OR10J1: variants seen among roughly 807,000 people sequenced by gnomAD.
The protein encoded by OR10J1 is olfactory receptor family 10 subfamily J member 1.
For synonymous variants in OR10J1, 202 were observed against 143.8 expected (o/e 1.40, Z -2.89); for missense variants, 474 against 376.6 (o/e 1.26, Z -2.14).
upstream of OR10J1, among the ~76,000 whole-genome samples, chr1:159,435,856 G>T (rs924443157): frequency 4.6e-5 from 7 of 152,170 alleles, no homozygotes; most frequent in Non-Finnish European, 7.4e-5. Flanking sequence ...TGTTTTGCCA[G>T]CTTTGTTTCT....
At chr1:159,437,522 A>G (rs977256044), upstream of OR10J1, among the ~76,000 whole-genome samples, 6 of 152,234 alleles carry the variant, frequency 3.9e-5, no homozygotes, top group African/African-American at 1.2e-4. Context: ...ATGCACATAT[A>G]CACACTCACA....
chr1:159,433,615 TG>T (rs1655651998), upstream of OR10J1, among the ~76,000 whole-genome samples: 1 of 152,200 alleles, frequency 6.6e-6, no homozygotes, highest in Non-Finnish European at 1.5e-5. Context: ...TAGATCAGGC[TG>T]AAGTTATGCT....
chr1:159,439,207 A>C (rs1655829183), upstream of OR10J1, among the ~76,000 whole-genome samples: 1 of 152,224 alleles, frequency 6.6e-6, no homozygotes, highest in Admixed American at 6.5e-5. Context: ...ATGCGCAAGG[A>C]GGATGATTCA....
the OR10J1 span, among the ~76,000 whole-genome samples, chr1:159,401,129 A>G: frequency 1.3e-5 from 2 of 151,828 alleles, no homozygotes; most frequent in Admixed American, 1.3e-4. Flanking sequence ...TTTTTCAGCT[A>G]TAAGTGCCTG....
chr1:159,440,224 G>A lies in OR10J1; in HGVS notation c.433G>A (p.Val145Ile). The part of the protein sequence containing the change: ...IMNKRLRIQL[V>I]LGACSIGLIV... ...GAACAAGAGGCTGCGTATCCAACTT[G>A]TCCTGGGGGCCTGCAGCATTGGGCT... The change falls in exon 1 of 1, where the codon GTC (valine) becomes ATC (isoleucine). Residue 145 changes from valine (V) to isoleucine (I), a missense_variant. Physicochemically the swap from Val to Ile is conservative, Grantham distance 29. Transcript: ENST00000423932. The A allele has an allele frequency of 6.2e-7, 1 of 1,614,140 alleles. No individual in the cohort carries two copies. Among genetic ancestry groups the A allele is most frequent in the East Asian group, 2.2e-5 (1 of 44,880 alleles).
chr1:159,437,233 T>A (rs1655762065), upstream of OR10J1, among the ~76,000 whole-genome samples: 1 of 152,114 alleles, frequency 6.6e-6, no homozygotes, highest in Admixed American at 6.5e-5. Context: ...CAGGAGAGAA[T>A]CTTTGGATCT....
chr1:159,412,283 A>T, the OR10J1 span, among the ~76,000 whole-genome samples: 1 of 151,756 alleles, frequency 6.6e-6, no homozygotes, highest in African/African-American at 2.4e-5. Flanking sequence ...TACAGATTCA[A>T]TGCCATCCCC....
chr1:159,399,672 A>G, the OR10J1 span, among the ~76,000 whole-genome samples: 1 of 152,086 alleles, frequency 6.6e-6, no homozygotes, highest in African/African-American at 2.4e-5. Flanking sequence ...CTGAAAATAG[A>G]AAATTTACTG....
the OR10J1 span, among the ~76,000 whole-genome samples, chr1:159,430,642 T>G: frequency 3.4e-4 from 22 of 65,344 alleles, no homozygotes; most frequent in African/African-American, 9.7e-4. Flanking sequence ...AAAATTATGG[T>G]GTGTGTGTGT....
the OR10J1 span, among the ~76,000 whole-genome samples, chr1:159,399,570 C>CAAAAAAAAAAA: frequency 1.4e-4 from 8 of 56,104 alleles, no homozygotes; most frequent in Admixed American, 2.2e-4. Flanking sequence ...GATTCTGTCT[C>CAAAAAAAAAAA]AAAAAAAAAA....
At chr1:159,416,290 C>T in the OR10J1 span, among the ~76,000 whole-genome samples, 3 of 151,950 alleles carry the variant, frequency 2.0e-5, no homozygotes, top group Non-Finnish European at 4.4e-5. Flanking sequence ...CAGGTTTTCC[C>T]CATTCAGTAC....
the OR10J1 span, among the ~76,000 whole-genome samples, chr1:159,423,382 A>T: frequency 6.6e-6 from 1 of 152,198 alleles, no homozygotes; most frequent in Non-Finnish European, 1.5e-5. Flanking sequence ...CTGATGATCC[A>T]TTGATCTATA....
At position 159,440,826 on chromosome 1, in the gene OR10J1, A is replaced by C. The variant is rs1393520988; in HGVS notation, c.*105A>C. 6.8e-6 allele frequency: 8 copies of C among 1,180,698 alleles called. No individual in the cohort carries two copies. Among genetic ancestry groups the C allele is most frequent in the Non-Finnish European group, 9.4e-6 (8 of 847,062 alleles). The allele number at this position is 1,180,698 out of a possible 1,614,324, so 73.1% of individuals were successfully genotyped here. On this transcript the variant is annotated 3_prime_UTR_variant, in exon 1 of 1. Coordinates refer to ENST00000423932, the MANE Select transcript of OR10J1 (RefSeq NM_012351.3). ...CTCCTAGAGACCTGCCCCTTAAATA[A>C]GAGGCAAAAGAGGAATAGCAGTTTC...
the OR10J1 span, among the ~76,000 whole-genome samples, chr1:159,407,885 G>A: frequency 2.0e-5 from 3 of 151,964 alleles, 1 homozygote; most frequent in African/African-American, 7.2e-5. Flanking sequence ...AAGAGTCCCT[G>A]ATGTTAAATA....
the OR10J1 span, among the ~76,000 whole-genome samples, chr1:159,416,117 A>T: frequency 6.6e-6 from 1 of 152,036 alleles, no homozygotes; most frequent in African/African-American, 2.4e-5. Context: ...ATGTAAGATT[A>T]TATCATCAGC....
chr1:159,431,019 T>G, the OR10J1 span, among the ~76,000 whole-genome samples: 1 of 152,200 alleles, frequency 6.6e-6, no homozygotes, highest in Non-Finnish European at 1.5e-5. Context: ...TAGTTACTAG[T>G]GTTTTAAATC....
the OR10J1 span, among the ~76,000 whole-genome samples, chr1:159,416,920 G>A: frequency 6.6e-6 from 1 of 151,904 alleles, no homozygotes; most frequent in Admixed American, 6.6e-5. Flanking sequence ...GGTATCAGTT[G>A]TAATGTCTCC....
chr1:159,428,170 A>G, the OR10J1 span, among the ~76,000 whole-genome samples: 1 of 152,228 alleles, frequency 6.6e-6, no homozygotes, highest in Non-Finnish European at 1.5e-5. Context: ...ATTATATTTC[A>G]TAACCAAATG....
chr1:159,432,147 T>A, the OR10J1 span: 2 of 400,120 alleles, frequency 5.0e-6, no homozygotes, highest in Middle Eastern at 3.1e-4. Flanking sequence ...GCCTACTGTT[T>A]CCAGCCTGGA....
Sources: allele counts gnomAD v4.1 joint callset (sites outside exome capture counted in the v4.1 genomes callset), GRCh38; gene constraint gnomAD v4.1.1; transcripts MANE v1.5; gene names NCBI Gene and HGNC (gene_info 2026-07-23, HGNC 2026-07-21).